The following SOHLH1 variants were observed in gnomAD, a reference collection of about 807,000 sequenced individuals.
SOHLH1 encodes spermatogenesis- and oogenesis-specific basic helix-loop-helix-containing protein 1.
A neutral mutation model predicts 36.2 loss-of-function variants in SOHLH1; 23 were observed. The ratio of observed to expected loss-of-function variants is 0.64; its 90% CI spans 0.46 to 0.90. The LOEUF (loss-of-function observed/expected upper bound fraction) is 0.90, where lower values mean the gene tolerates loss of function less well. Among genes scored for constraint, SOHLH1 ranks in the 40% least tolerant of loss-of-function variants. The probability of loss-of-function intolerance (pLI) is 0.00; values close to 1 mark genes in which losing one functional copy is unlikely to be tolerated. For synonymous variants in SOHLH1, 289 were observed against 228.3 expected, an observed-to-expected ratio of 1.27 and a Z score of -2.40; for missense variants, 608 against 517.0, an observed-to-expected ratio of 1.18 and a Z score of -1.71.
At chr9:135,694,167 G>A in intron 7 of SOHLH1, 1 of 1,435,656 alleles carries the variant, frequency 7.0e-7, no homozygotes, top group Non-Finnish European at 9.1e-7. Context: ...CAGCTCTCAT[G>A]CAGGCTCGTC....
intron 2 of SOHLH1, 139 bp downstream of exon 2, chr9:135,698,856 G>T: frequency 1.6e-6 from 2 of 1,224,154 alleles, no homozygotes; most frequent in Non-Finnish European, 2.4e-6. Context: ...TTTACTTGGA[G>T]ATGTGCAGTC....
chr9:135,693,774 G>A lies in SOHLH1; in HGVS notation c.987C>T (p.Ala329=). 3 of 1,581,586 alleles carry A rather than the reference G, an allele frequency of 1.9e-6. No homozygotes were observed. Among genetic ancestry groups the A allele is most frequent in the Admixed American group, 1.8e-5 (1 of 56,062 alleles). The change falls in exon 8 of 8, where the codon GCC becomes GCT. Residue 329 remains alanine, a synonymous_variant. Coordinates refer to ENST00000425225, the MANE Select transcript of SOHLH1 (RefSeq NM_001101677.2). ...EGRGGSGPAW[A]PAESSPLDVG... is the part of the protein sequence containing the mutation. ...CATCCAGTGGACTGCTCTCAGCTGG[G>A]GCCCATGCAGGGCCACTGCCTCCTC... is the stretch of plus-strand genomic sequence containing the variant.
chr9:135,697,466 G>A (rs372521545), intron 4 of SOHLH1, 40 bp downstream of exon 4: 193 of 1,596,952 alleles, frequency 1.2e-4, no homozygotes, highest in Non-Finnish European at 1.6e-4. Flanking sequence ...TGCTCCCAGG[G>A]TCACCCAGCC....
upstream of SOHLH1, chr9:135,699,500 C>T (rs548761518): frequency 4.0e-5 from 64 of 1,601,906 alleles, no homozygotes; most frequent in South Asian, 6.6e-4. Context: ...CCCACGCGCA[C>T]GGCCCCTTCC....
upstream of SOHLH1, chr9:135,702,038 A>G (rs1164805939): frequency 4.7e-6 from 2 of 426,630 alleles, no homozygotes; most frequent in African/African-American, 2.8e-5. Context: ...CGCCCTCCCT[A>G]CCCCGCACCC....
intron 3 of SOHLH1, 100 bp from the exon 4 acceptor site, chr9:135,697,727 T>C: frequency 2.8e-6 from 4 of 1,435,648 alleles, no homozygotes; most frequent in Non-Finnish European, 3.8e-6. Flanking sequence ...GGAGGGTCAC[T>C]GTGAGCTCGG....
At chr9:135,694,267 CGGG>C (rs1834701839) in intron 7 of SOHLH1, 117 bp downstream of exon 7, 3 of 1,551,180 alleles carry the variant, frequency 1.9e-6, no homozygotes, top group African/African-American at 2.7e-5. Flanking sequence ...GTGGAGAAAA[CGGG>C]GGCTCAGACA....
chr9:135,699,048 G>C lies in SOHLH1; in HGVS notation c.144C>G (p.Ala48=), dbSNP rs775523387. ...GSGPPKAPTV[A]EGPSSCLRRN... ...GCCGAAGGCAGGAGCTGGGACCCTC[G>C]GCCACCGTAGGGGCCTTGGGCGGGC... is the stretch of plus-strand genomic sequence containing the variant. Residue 48 remains alanine (A), a synonymous_variant, in exon 2 of 8, where the codon GCC becomes GCG. Transcript: ENST00000425225. The C allele has an allele frequency of 5.0e-6, 8 of 1,611,230 alleles. No individual in the cohort carries two copies. Among genetic ancestry groups the C allele is most frequent in the African/African-American group, 1.3e-5 (1 of 74,896 alleles).
At position 135,694,422 on chromosome 9, in the gene SOHLH1, G is replaced by T; in HGVS notation, c.911C>A (p.Ser304Tyr). The change falls in exon 7 of 8, where the codon TCC becomes TAC. Residue 304 changes from serine (S) to tyrosine (Y), a missense_variant. Ser to Tyr is a moderately radical substitution (Grantham distance 144). Transcript: ENST00000425225. ...GCTGGGACCAGCAGTCAGCAGGAAG[G>T]ACGTCCCATCGTCCACATCAGACCC... ...ALGSDVDDGTSFLLTAGPSSW... is the reference protein window; with the variant it reads ...ALGSDVDDGTYFLLTAGPSSW... The T allele has an allele frequency of 6.2e-7, 1 of 1,613,224 alleles. No homozygotes were observed.
At chr9:135,697,476 C>G in intron 4 of SOHLH1, 30 bp downstream of exon 4, 1 of 1,602,036 alleles carries the variant, frequency 6.2e-7, no homozygotes, top group Non-Finnish European at 8.5e-7. Context: ...GTCACCCAGC[C>G]CTGGAGAGCG....
At chr9:135,700,003 C>T (rs1400554363), upstream of SOHLH1, among the ~76,000 whole-genome samples, 2 of 152,094 alleles carry the variant, frequency 1.3e-5, no homozygotes, top group Non-Finnish European at 2.9e-5. Context: ...CGCTTGCAGA[C>T]GCTGCGCCTC....
At position 135,699,084 on chromosome 9, in the gene SOHLH1, G is replaced by A; in HGVS notation, c.108C>T (p.Ala36=). The stretch of plus-strand genomic sequence containing the variant: ...GGGCCTTGGGCGGGCCCGAGCCCCG[G>A]GCCGAGTCCTCGCAGCAGGAGAGGG... ...SGALSCCEDS[A]RGSGPPKAPT... is the part of the protein sequence containing the mutation. Residue 36 remains alanine (A), a synonymous_variant, in exon 2 of 8, where the codon GCC becomes GCT. Transcript: ENST00000425225. 2.5e-6 allele frequency: 4 copies of A among 1,609,934 alleles called. No individual in the cohort carries two copies. The highest frequency in any genetic ancestry group is 3.4e-6 in the Non-Finnish European group (4 of 1,179,450).
Position 135,694,463 on chromosome 9 carries a change from A to G in SOHLH1, c.876-6T>C, listed in dbSNP as rs484524. 1,477,704 of 1,612,632 alleles carry G rather than the reference A, an allele frequency of 0.92. 679,816 individuals carry two copies. The highest frequency in any genetic ancestry group is 0.99 in the East Asian group (44,277 of 44,874). On this transcript the variant is annotated splice_polypyrimidine_tract_variant and splice_region_variant and intron_variant, in intron 6 of 7. Transcript: ENST00000425225. Reference sequence around the variant, plus strand: ...CATCAGACCCCAACGCAGACCTGGAAGCGACAAGCTCTTCCTCAGTGGCCA... The same window carrying G: ...CATCAGACCCCAACGCAGACCTGGAGGCGACAAGCTCTTCCTCAGTGGCCA...
chr9:135,695,305 C>A (rs1383055721), intron 5 of SOHLH1, 42 bp from the exon 6 acceptor site: 2 of 1,548,766 alleles, frequency 1.3e-6, no homozygotes, highest in Admixed American at 1.9e-5. Flanking sequence ...CCCTGCCCAG[C>A]CCCACAGGCT....
At chr9:135,698,498 A>AT in intron 2 of SOHLH1, 22 bp from the exon 3 acceptor site, 1 of 1,612,952 alleles carries the variant, frequency 6.2e-7, no homozygotes, top group Non-Finnish European at 8.5e-7. Context: ...CAAGAAACAA[A>AT]TACCTCTGGG....
intron 4 of SOHLH1, 111 bp from the exon 5 acceptor site, chr9:135,696,916 G>T: frequency 8.4e-7 from 1 of 1,195,914 alleles, no homozygotes; most frequent in East Asian, 2.5e-5. Flanking sequence ...GACACCCCAG[G>T]CACCACCCAG....
At chr9:135,701,757 T>C (rs1328102177), upstream of SOHLH1, among the ~76,000 whole-genome samples, 1 of 152,054 alleles carries the variant, frequency 6.6e-6, no homozygotes, top group Non-Finnish European at 1.5e-5. Context: ...ATCTGGCTTG[T>C]GTTCAATGAC....
At chr9:135,700,415 GGGC>G (rs1834990753), upstream of SOHLH1, among the ~76,000 whole-genome samples, 1 of 152,094 alleles carries the variant, frequency 6.6e-6, no homozygotes, top group African/African-American at 2.4e-5. Context: ...AGGTTGCGGG[GGGC>G]CCTCAGGGAA....
intron 7 of SOHLH1, 53 bp from the exon 8 acceptor site, chr9:135,693,867 A>C: frequency 6.6e-7 from 1 of 1,518,644 alleles, no homozygotes. Flanking sequence ...TGGGAGCTTG[A>C]GGCAGACAGG....
Sources: gnomAD v4.1 joint callset for allele counts (sites outside exome capture counted in the v4.1 genomes callset) on GRCh38, gnomAD v4.1.1 for gene constraint, MANE v1.5 for transcripts, NCBI Gene and HGNC (gene_info 2026-07-23, HGNC 2026-07-21) for gene names.